Variants in PTTG1IP2 observed in about 807,000 individuals in gnomAD.
PTTG1IP2 encodes PTTG1IP family member 2.
chr7:90,491,624 G>GAA (rs74700057), intron 4 of PTTG1IP2, among the ~76,000 whole-genome samples: 1 of 119,576 alleles, frequency 8.4e-6, no homozygotes, highest in Non-Finnish European at 1.8e-5. Context: ...CTCCATCTAA[G>GAA]AAAAAAAAAA....
At chr7:90,483,128 G>C (rs557388902) in intron 2 of PTTG1IP2, among the ~76,000 whole-genome samples, 2 of 152,228 alleles carry the variant, frequency 1.3e-5, no homozygotes, top group African/African-American at 4.8e-5. Context: ...TCAACATGTG[G>C]ATATCACCTG....
intron 4 of PTTG1IP2, among the ~76,000 whole-genome samples, chr7:90,490,064 T>A (rs980508739): frequency 1.3e-5 from 2 of 152,090 alleles, no homozygotes; most frequent in Non-Finnish European, 2.9e-5. Context: ...TCTGGCTTCC[T>A]GCTTTAACAT....
At chr7:90,500,936 G>T (rs1249646995) in intron 6 of PTTG1IP2, among the ~76,000 whole-genome samples, 1 of 152,116 alleles carries the variant, frequency 6.6e-6, no homozygotes, top group East Asian at 1.9e-4. Flanking sequence ...GGAAGATAGG[G>T]TTTAGAAATG....
At chr7:90,500,286 A>G (rs1022123217) in intron 6 of PTTG1IP2, among the ~76,000 whole-genome samples, 1 of 152,226 alleles carries the variant, frequency 6.6e-6, no homozygotes, top group Non-Finnish European at 1.5e-5. Flanking sequence ...ATATTTTGAA[A>G]GGTTAGAATA....
chr7:90,512,153 T>C (rs1220122170), intron 6 of PTTG1IP2, among the ~76,000 whole-genome samples: 3 of 152,210 alleles, frequency 2.0e-5, no homozygotes, highest in African/African-American at 7.2e-5. Context: ...TGGAGCTGAT[T>C]AAATAAACAT....
chr7:90,489,794 G>A (rs969567705), intron 4 of PTTG1IP2, among the ~76,000 whole-genome samples: 3 of 151,832 alleles, frequency 2.0e-5, no homozygotes, highest in Non-Finnish European at 2.9e-5. Context: ...GCTTGAAAAA[G>A]AATTATCAAG....
intron 1 of PTTG1IP2, among the ~76,000 whole-genome samples, chr7:90,470,956 TGAA>T (rs1797677287): frequency 1.2e-5 from 1 of 82,208 alleles, no homozygotes; most frequent in African/African-American, 5.4e-5. Flanking sequence ...AAAATGCTGA[TGAA>T]GAACAAAAAA....
At chr7:90,478,745 GT>G (rs1466198757) in intron 1 of PTTG1IP2, among the ~76,000 whole-genome samples, 10 of 151,168 alleles carry the variant, frequency 6.6e-5, no homozygotes, top group African/African-American at 2.4e-4. Context: ...CATACTGTTT[GT>G]TTTTCCATAA....
intron 5 of PTTG1IP2, among the ~76,000 whole-genome samples, chr7:90,492,810 G>T (rs938515668): frequency 6.6e-6 from 1 of 152,148 alleles, no homozygotes; most frequent in African/African-American, 2.4e-5. Context: ...AGGAATTCTT[G>T]CAGGCTTTCC....
chr7:90,483,116 A>G (rs576078257), intron 2 of PTTG1IP2, among the ~76,000 whole-genome samples: 5 of 152,148 alleles, frequency 3.3e-5, no homozygotes, highest in African/African-American at 1.2e-4. Flanking sequence ...TGGATATGGC[A>G]GTCAACATGT....
chr7:90,511,169 A>G (rs1798185942), intron 6 of PTTG1IP2, among the ~76,000 whole-genome samples: 1 of 151,620 alleles, frequency 6.6e-6, no homozygotes, highest in African/African-American at 2.4e-5. Context: ...CTTCTTGTCC[A>G]CTGATGTTTT....
At chr7:90,512,353 A>G (rs992479175) in intron 6 of PTTG1IP2, among the ~76,000 whole-genome samples, 28 of 152,164 alleles carry the variant, frequency 1.8e-4, no homozygotes, top group Non-Finnish European at 2.8e-4. Flanking sequence ...AGAAGGGTGG[A>G]GAATGTACTT....
At position 90,487,421 on chromosome 7, in the gene PTTG1IP2, G is replaced by A. The variant is rs1797887549; in HGVS notation, c.286+1G>A. On this transcript the variant is annotated splice_donor_variant, in intron 3 of 6. Coordinates refer to ENST00000509356, the MANE Select transcript of PTTG1IP2 (RefSeq NM_001365443.2). LOFTEE classifies it high-confidence loss of function. The stretch of plus-strand genomic sequence containing the variant: ...TCTATATATTGGTTAAACTGTAAAG[G>A]TGAGTTGTCCTTATTTAGATTTTTA... 1 of 152,524 alleles carries A rather than the reference G, an allele frequency of 6.6e-6. No homozygotes were observed. The highest frequency in any genetic ancestry group is 2.1e-4 in the South Asian group (1 of 4,828). The allele number at this position is 152,524 out of a possible 1,614,324, so 9.4% of individuals were successfully genotyped here. A position where few individuals can be genotyped will look rare whatever the true frequency, so the allele number is the denominator to read the frequency against.
rs17869587 is a variant in PTTG1IP2 at position 90,501,259 on chromosome 7, G to A, written c.*50+6829G>A. On this transcript the variant is annotated intron_variant, in intron 6 of 6. Transcript: ENST00000509356. ...GCAATACAGCAAATATCACATTAAA[G>A]CCAGTCACACATTATTTTTTTGTTT... 9.9e-3 allele frequency among the ~76,000 whole-genome samples: 1,501 copies of A among 152,282 alleles called. 34 individuals are homozygous for A. The highest frequency in any genetic ancestry group is 0.035 in the African/African-American group (1,436 of 41,544).
At chr7:90,488,231 ATC>A (rs1797898325) in intron 3 of PTTG1IP2, among the ~76,000 whole-genome samples, 1 of 151,942 alleles carries the variant, frequency 6.6e-6, no homozygotes, top group Admixed American at 6.6e-5. Context: ...TTGCCCTCAA[ATC>A]TCTGTTTCTT....
chr7:90,505,901 T>G (rs952491195), intron 6 of PTTG1IP2, among the ~76,000 whole-genome samples: 15 of 146,388 alleles, frequency 1.0e-4, no homozygotes, highest in African/African-American at 1.8e-4. Context: ...GGAGAATGGC[T>G]TGAACCCGGG....
intron 1 of PTTG1IP2, 30 bp from the exon 2 acceptor site, chr7:90,479,198 A>C (rs1009919780): frequency 6.6e-6 from 1 of 152,604 alleles, no homozygotes; most frequent in African/African-American, 2.4e-5. Flanking sequence ...GATTTGGATT[A>C]ATTTTGGACT....
chr7:90,487,048 G>A (rs1797882534), intron 2 of PTTG1IP2, among the ~76,000 whole-genome samples: 1 of 152,146 alleles, frequency 6.6e-6, no homozygotes, highest in Non-Finnish European at 1.5e-5. Flanking sequence ...TCAGTCACTG[G>A]CCTGGAGAAA....
chr7:90,482,888 C>T (rs1272398584), intron 2 of PTTG1IP2, among the ~76,000 whole-genome samples: 1 of 152,118 alleles, frequency 6.6e-6, no homozygotes. Flanking sequence ...ACAGCAAGCC[C>T]AGTGGGATTT....
Sources: allele counts gnomAD v4.1 joint callset (sites outside exome capture counted in the v4.1 genomes callset), GRCh38; gene constraint gnomAD v4.1.1; transcripts MANE v1.5; gene names NCBI Gene and HGNC (gene_info 2026-07-23, HGNC 2026-07-21).